Variants in SEMA7A observed in about 807,000 individuals in gnomAD.
SEMA7A encodes the protein semaphorin 7A (JohnMiltonHagen blood group).
In SEMA7A, 21 loss-of-function variants were observed where a neutral mutation model predicts 67.5. The observed-to-expected ratio is 0.31, with a 90% CI of 0.22 to 0.45. The LOEUF is 0.45. Among genes scored for constraint, SEMA7A ranks in the 20% least tolerant of loss-of-function variants. SEMA7A has a pLI of 1.00. For missense variants in SEMA7A, 774 were observed against 908.6 expected (o/e 0.85, Z 1.90); for synonymous variants, 364 against 368.5 (o/e 0.99, Z 0.14).
At chr15:74,426,726 T>A (rs961450574) in intron 1 of SEMA7A, among the ~76,000 whole-genome samples, 2 of 151,866 alleles carry the variant, frequency 1.3e-5, no homozygotes, top group African/African-American at 4.8e-5. Flanking sequence ...CAGAGAGCTA[T>A]GAATGCACCA....
chr15:74,416,605 G>T lies in SEMA7A; in HGVS notation c.771C>A (p.Leu257=). 2 of 1,614,102 alleles carry T rather than the reference G, an allele frequency of 1.2e-6. No homozygotes were observed. Among genetic ancestry groups the T allele is most frequent in the Non-Finnish European group, 8.5e-7 (1 of 1,179,998 alleles). Residue 257 remains leucine, a synonymous_variant, in exon 7 of 14, where the codon CTC becomes CTA. Coordinates refer to ENST00000261918, the MANE Select transcript of SEMA7A (RefSeq NM_003612.5). ...ACAACTGGGCCACACGGGACACATTGAGAGGAGCCTCAGGATTCTTGTCAG... is the reference window on the plus strand; with the variant it reads ...ACAACTGGGCCACACGGGACACATTTAGAGGAGCCTCAGGATTCTTGTCAG... ...DNPDKNPEAP[L]NVSRVAQLCR...
At chr15:74,416,766 A>G (rs1335137689) in intron 6 of SEMA7A, 52 bp from the exon 7 acceptor site, 2 of 1,592,194 alleles carry the variant, frequency 1.3e-6, no homozygotes, top group Non-Finnish European at 8.6e-7. Flanking sequence ...TGCCCGGGAG[A>G]CCATCCCAAC....
In SEMA7A at chr15:74,411,206, A is replaced by C. The variant is rs894401399; in HGVS notation, c.1639+89T>G. 3.4e-6 allele frequency: 5 copies of C among 1,453,080 alleles called. No homozygotes were observed. In the African/African-American group the frequency reaches 5.6e-5, roughly 16 times the overall value. 90.0% of individuals were successfully genotyped at this position (1,453,080 alleles called of 1,614,324 possible). A position where few individuals can be genotyped will look rare whatever the true frequency, so the allele number is the denominator to read the frequency against. The stretch of plus-strand genomic sequence containing the variant: ...CCATGTACCTGGGGCCCACAGGACA[A>C]GGCCATGTCTCCCTCAGACCAGGAC... On this transcript the variant is annotated intron_variant, in intron 13 of 13. Transcript: ENST00000261918. The surrounding 1 kb of genome is among the most constrained non-coding windows in gnomAD (Gnocchi z 4.4).
intron 1 of SEMA7A, chr15:74,427,383 G>A: frequency 1.0e-6 from 1 of 985,442 alleles, no homozygotes; most frequent in Middle Eastern, 5.2e-4. Context: ...GGCCACCAAT[G>A]GAGTGCAGAA....
Position 74,411,094 on chromosome 15 carries a change from G to A in SEMA7A, c.1640-109C>T. The A allele has an allele frequency of 6.7e-7, 1 of 1,483,366 alleles. No homozygotes were observed. Among genetic ancestry groups the A allele is most frequent in the African/African-American group, 1.4e-5 (1 of 71,348 alleles). 91.9% of individuals were successfully genotyped at this position (1,483,366 alleles called of 1,614,324 possible). A position where few individuals can be genotyped will look rare whatever the true frequency, so the allele number is the denominator to read the frequency against. On this transcript the variant is annotated intron_variant, in intron 13 of 13. Coordinates refer to ENST00000261918, the MANE Select transcript of SEMA7A (RefSeq NM_003612.5). The surrounding 1 kb of genome is among the most constrained non-coding windows in gnomAD (Gnocchi z 4.4). ...CAGGACAAGGCTTCTGAATGAACGT[G>A]GGGAACCCAGCCCTCAGCGTCCTCC...
At chr15:74,431,428 G>T (rs549452066) in intron 1 of SEMA7A, among the ~76,000 whole-genome samples, 1 of 152,280 alleles carries the variant, frequency 6.6e-6, no homozygotes, top group Admixed American at 6.5e-5. Flanking sequence ...TCTTTCTCTA[G>T]AACTTGGGGA....
At chr15:74,431,297 C>T (rs889628290) in intron 1 of SEMA7A, among the ~76,000 whole-genome samples, 1 of 152,134 alleles carries the variant, frequency 6.6e-6, no homozygotes, top group African/African-American at 2.4e-5. Flanking sequence ...CCAGCAGGTA[C>T]ATGATGGCCC....
At chr15:74,431,450 G>C (rs773337948) in intron 1 of SEMA7A, among the ~76,000 whole-genome samples, 1 of 152,200 alleles carries the variant, frequency 6.6e-6, no homozygotes, top group Non-Finnish European at 1.5e-5. Flanking sequence ...CCAAGCAGCA[G>C]AAAATAAAGA....
intron 1 of SEMA7A, among the ~76,000 whole-genome samples, chr15:74,431,200 G>A (rs1453274756): frequency 6.6e-6 from 1 of 152,202 alleles, no homozygotes; most frequent in Admixed American, 6.5e-5. Flanking sequence ...CCATGTGTCA[G>A]TGACAGCCCT....
chr15:74,432,149 C>G (rs1292136207), intron 1 of SEMA7A, among the ~76,000 whole-genome samples: 1 of 151,922 alleles, frequency 6.6e-6, no homozygotes, highest in Non-Finnish European at 1.5e-5. Context: ...AGTCAAAATG[C>G]AAGGGGTTTG....
chr15:74,414,819 C>T lies in SEMA7A; in HGVS notation c.1095+19G>A, dbSNP rs747460666. ...CAGAAGGAGGGCTGGGCCTGGGCCA[C>T]GGCTGGTGTCACGCTCACCTTGCCA... is the stretch of plus-strand genomic sequence containing the variant. On this transcript the variant is annotated intron_variant, in intron 9 of 13. Coordinates refer to ENST00000261918, the MANE Select transcript of SEMA7A (RefSeq NM_003612.5). This position sits in a 1 kb window ranked among gnomAD's most constrained non-coding sequence, Gnocchi z 4.1. The T allele has an allele frequency of 3.3e-5, 53 of 1,613,636 alleles. No homozygotes were observed. The South Asian group carries it at 3.3e-4, about 10-fold the overall frequency.
At chr15:74,432,151 A>T (rs1353707090) in intron 1 of SEMA7A, among the ~76,000 whole-genome samples, 1 of 152,066 alleles carries the variant, frequency 6.6e-6, no homozygotes, top group Non-Finnish European at 1.5e-5. Flanking sequence ...TCAAAATGCA[A>T]GGGGTTTGAT....
intron 1 of SEMA7A, among the ~76,000 whole-genome samples, chr15:74,433,003 G>A (rs2061102954): frequency 6.6e-6 from 1 of 152,246 alleles, no homozygotes; most frequent in African/African-American, 2.4e-5. Flanking sequence ...CCACCGCCTG[G>A]GGGTCCCAAC....
In SEMA7A at chr15:74,415,925, T is replaced by C; in HGVS notation, c.862A>G (p.Met288Val). The part of the protein sequence containing the change: ...VSKWNTFLKA[M>V]LVCSDAATNK... Reference sequence around the variant, plus strand: ...GTGGCAGCATCACTGCATACCAGCATGGCTTTCAGAAAAGTGTTCCACTTG... The same window carrying C: ...GTGGCAGCATCACTGCATACCAGCACGGCTTTCAGAAAAGTGTTCCACTTG... Residue 288 changes from methionine (M) to valine (V), a missense_variant, in exon 8 of 14, where the codon ATG (methionine) becomes GTG (valine). Around this residue, in one of 2 missense-constraint regions of SEMA7A, gnomAD observed 427 missense variants for 555.4 expected, o/e 0.77. Transcript: ENST00000261918. 5 of 1,614,136 alleles carry C rather than the reference T, an allele frequency of 3.1e-6. No individual in the cohort carries two copies. The highest frequency in any genetic ancestry group is 4.2e-6 in the Non-Finnish European group (5 of 1,179,978).
Position 74,418,301 on chromosome 15 carries a change from G to A in SEMA7A, c.339C>T (p.Ile113=), listed in dbSNP as rs540617650. 31 of 1,611,176 alleles carry A rather than the reference G, an allele frequency of 1.9e-5. No homozygotes were observed. Among genetic ancestry groups the A allele is most frequent in the African/African-American group, 2.7e-5 (2 of 74,698 alleles). ...CCAGACAGGACCCCTTTGTGGAGCC[G>A]ATATTCACCTGGGGGAAGGGGAGAA... is the stretch of plus-strand genomic sequence containing the variant. ...GKNASVRTVN[I]GSTKGSCLDK... Residue 113 remains isoleucine, a synonymous_variant, in exon 3 of 14, where the codon ATC becomes ATT. Transcript: ENST00000261918.
chr15:74,415,408 G>A (rs1317891646), intron 8 of SEMA7A, among the ~76,000 whole-genome samples: 1 of 152,104 alleles, frequency 6.6e-6, no homozygotes, highest in African/African-American at 2.4e-5. Flanking sequence ...TTCAATCAAT[G>A]AGAGTGATTA....
At chr15:74,432,207 C>T (rs1449476069) in intron 1 of SEMA7A, among the ~76,000 whole-genome samples, 1 of 152,056 alleles carries the variant, frequency 6.6e-6, no homozygotes, top group Non-Finnish European at 1.5e-5. Context: ...TTTGTCCCCT[C>T]CAGAGTGCCC....
rs373974399 is a variant in SEMA7A, at chr15:74,410,601, G to A, written c.*23C>T. On this transcript the variant is annotated 3_prime_UTR_variant, in exon 14 of 14. Transcript: ENST00000261918. The surrounding 1 kb of genome is among the most constrained non-coding windows in gnomAD (Gnocchi z 7.5). The stretch of plus-strand genomic sequence containing the variant: ...AGTGCCCTGGGCTGCAGAAGCCTGA[G>A]GCATGCCCAGCCTCGGGAGGCCCTA... The A allele has an allele frequency of 2.9e-5, 46 of 1,559,868 alleles. No homozygotes were observed. In the Middle Eastern group the frequency reaches 6.9e-4, roughly 23 times the overall value.
chr15:74,411,937 T>C lies in SEMA7A; in HGVS notation c.1370A>G (p.Gln457Arg). 1 of 1,614,050 alleles carries C rather than the reference T, an allele frequency of 6.2e-7. No individual in the cohort carries two copies. The change falls in exon 11 of 14, where the codon CAG (glutamine) becomes CGG (arginine). Residue 457 changes from glutamine (Q) to arginine (R), a missense_variant. By Grantham distance (43) the Gln-to-Arg change is conservative (BLOSUM62 1). Transcript: ENST00000261918. The surrounding 1 kb of genome is among the most constrained non-coding windows in gnomAD (Gnocchi z 4.4). ...GATGGCAGCCGCGCGGCGGAAGGGC[T>C]GGATCTCCATGATGTTGAAGGCGAA... ...HSFAFNIMEIQPFRRAAAIQT... is the reference protein window; with the variant it reads ...HSFAFNIMEIRPFRRAAAIQT...
Sources: allele counts gnomAD v4.1 joint callset (sites outside exome capture counted in the v4.1 genomes callset), GRCh38; gene constraint gnomAD v4.1.1; regional missense constraint gnomAD v4.1.1; non-coding constraint Gnocchi (gnomAD v3.1); transcripts MANE v1.5; gene names NCBI Gene and HGNC (gene_info 2026-07-23, HGNC 2026-07-21).